Variants in IFT140 observed in about 807,000 individuals in gnomAD.
IFT140 encodes intraflagellar transport 140.
IFT140 carries 133 observed loss-of-function variants against 164.6 expected under a neutral mutation model. The ratio of observed to expected loss-of-function variants is 0.81; its 90% CI spans 0.70 to 0.93. IFT140 has a LOEUF of 0.93. Ranked by LOEUF, IFT140 falls within the 40% of genes least tolerant of loss-of-function variation. The pLI is 0.00. For synonymous variants in IFT140, 860 were observed against 817.3 expected, an observed-to-expected ratio of 1.05 and a Z score of -0.89; for missense variants, 2,045 against 1,972.3, an observed-to-expected ratio of 1.04 and a Z score of -0.70.
At chr16:1,576,421 C>T (rs1334899347) in intron 13 of IFT140, among the ~76,000 whole-genome samples, 2 of 150,528 alleles carry the variant, frequency 1.3e-5, no homozygotes, top group African/African-American at 4.9e-5. Context: ...GAAACCCTGT[C>T]TCTACTAAAA....
intron 15 of IFT140, among the ~76,000 whole-genome samples, chr16:1,567,156 C>T (rs938985957): frequency 5.9e-5 from 9 of 152,210 alleles, no homozygotes; most frequent in Non-Finnish European, 7.3e-5. Context: ...TCCGCCAGTC[C>T]ATCGTCAAGC....
chr16:1,590,472 C>T (rs1230316816), intron 6 of IFT140, among the ~76,000 whole-genome samples: 4 of 152,148 alleles, frequency 2.6e-5, no homozygotes, highest in Admixed American at 1.3e-4. Context: ...CCCTGGGTGT[C>T]GCTGCTGTGC....
intron 19 of IFT140, among the ~76,000 whole-genome samples, chr16:1,540,648 T>A (rs2031543932): frequency 6.6e-6 from 1 of 152,244 alleles, no homozygotes; most frequent in African/African-American, 2.4e-5. Flanking sequence ...GCCTGGATTC[T>A]GGTGTCTGTG....
At chr16:1,559,317 C>T (rs1162139860) in intron 18 of IFT140, among the ~76,000 whole-genome samples, 3 of 152,184 alleles carry the variant, frequency 2.0e-5, no homozygotes, top group Non-Finnish European at 4.4e-5. Flanking sequence ...GTACCCAGTT[C>T]GCTGTGTGAA....
At position 1,564,279 on chromosome 16, in the gene IFT140, G is replaced by C. The variant is rs886730852; in HGVS notation, c.1902-117C>G. ...CTGTCCCAGACCATGGTGTCCACGC[G>C]CTCAGCTCTGGGAGAACTTTTGGGG... is the stretch of plus-strand genomic sequence containing the variant. On this transcript the variant is annotated intron_variant, in intron 16 of 30. Coordinates refer to ENST00000426508, the MANE Select transcript of IFT140 (RefSeq NM_014714.4). This position sits in a 1 kb window ranked among gnomAD's most constrained non-coding sequence, Gnocchi z 5.5. 1.3e-6 allele frequency: 1 copy of C among 798,494 alleles called. No homozygotes were observed. The highest frequency in any genetic ancestry group is 1.8e-6 in the Non-Finnish European group (1 of 542,310). 49.5% of individuals were successfully genotyped at this position (798,494 alleles called of 1,614,324 possible). A position where few individuals can be genotyped will look rare whatever the true frequency, so the allele number is the denominator to read the frequency against.
chr16:1,524,970 G>A, intron 22 of IFT140, 54 bp from the exon 23 acceptor site: 1 of 1,568,510 alleles, frequency 6.4e-7, no homozygotes, highest in South Asian at 1.1e-5. Flanking sequence ...TCCAACCCGG[G>A]ACGGCCCCCA....
At chr16:1,591,294 C>T (rs1391119113) in intron 6 of IFT140, among the ~76,000 whole-genome samples, 1 of 152,228 alleles carries the variant, frequency 6.6e-6, no homozygotes, top group Non-Finnish European at 1.5e-5. Context: ...CCCCTCCTTG[C>T]CATCTCACAG....
rs575620978 is a variant in IFT140 at position 1,557,826 on chromosome 16, C to G, written c.2399+109G>C. 44 of 1,064,716 alleles carry G rather than the reference C, an allele frequency of 4.1e-5. No homozygotes were observed. In the East Asian group the frequency reaches 8.3e-4, roughly 20 times the overall value. 66.0% of individuals were successfully genotyped at this position (1,064,716 alleles called of 1,614,324 possible). ...ACCATGAAATACACCATGACGCAGTCATGAGGAGTCAAATATTTCAACAGG... is the reference window on the plus strand; with the variant it reads ...ACCATGAAATACACCATGACGCAGTGATGAGGAGTCAAATATTTCAACAGG... On this transcript the variant is annotated intron_variant, in intron 19 of 30. Coordinates refer to ENST00000426508, the MANE Select transcript of IFT140 (RefSeq NM_014714.4).
chr16:1,510,638 TTTCTCAGGC>T lies in IFT140; in HGVS notation c.*297_*305del, dbSNP rs1354308950. 8.7e-6 allele frequency: 4 copies of T among 458,192 alleles called. No individual in the cohort carries two copies. The highest frequency in any genetic ancestry group is 8.1e-5 in the Admixed American group (2 of 24,620). The allele number at this position is 458,192 out of a possible 1,614,324, so 28.4% of individuals were successfully genotyped here. ...CTGCAGCTTCCTGAGGTTCTAGAAG[TTTCTCAGGC>T]TTTACAATGTGTAGTTGGGAGAATA... On this transcript the variant is annotated 3_prime_UTR_variant, in exon 31 of 31. Transcript: ENST00000426508.
chr16:1,611,291 G>A (rs2036309808), intron 1 of IFT140, among the ~76,000 whole-genome samples: 1 of 152,198 alleles, frequency 6.6e-6, no homozygotes, highest in Non-Finnish European at 1.5e-5. Context: ...GATCGTTGGA[G>A]CCCAGGAGTT....
chr16:1,575,112 C>A (rs1288638835), intron 13 of IFT140, among the ~76,000 whole-genome samples: 2 of 152,144 alleles, frequency 1.3e-5, no homozygotes, highest in African/African-American at 4.8e-5. Flanking sequence ...CACCTCTAAT[C>A]CCAACACTTT....
In IFT140 at chr16:1,553,711, A is replaced by G; in HGVS notation, c.2399+4224T>C. 1 of 1,112,232 alleles carries G rather than the reference A, an allele frequency of 9.0e-7. No individual in the cohort carries two copies. The allele number at this position is 1,112,232 out of a possible 1,614,324, so 68.9% of individuals were successfully genotyped here. A position where few individuals can be genotyped will look rare whatever the true frequency, so the allele number is the denominator to read the frequency against. Reference sequence around the variant, plus strand: ...GCTGGCTGGAGGCCCCATGGCCTCCAGGACAATCTGTGGCCACATCCCCAT... The same window carrying G: ...GCTGGCTGGAGGCCCCATGGCCTCCGGGACAATCTGTGGCCACATCCCCAT... On this transcript the variant is annotated intron_variant, in intron 19 of 30. Coordinates refer to ENST00000426508, the MANE Select transcript of IFT140 (RefSeq NM_014714.4). The surrounding 1 kb of genome is among the most constrained non-coding windows in gnomAD (Gnocchi z 4.4).
intron 19 of IFT140, among the ~76,000 whole-genome samples, chr16:1,544,774 G>C (rs535825468): frequency 6.6e-6 from 1 of 151,298 alleles, no homozygotes; most frequent in Admixed American, 6.6e-5. Flanking sequence ...TCAGCCTCCC[G>C]AGTAGCTGGG....
intron 3 of IFT140, among the ~76,000 whole-genome samples, chr16:1,603,138 G>A (rs2035879132): frequency 6.6e-6 from 1 of 152,150 alleles, no homozygotes; most frequent in African/African-American, 2.4e-5. Context: ...ACCCCGACCA[G>A]CTTCTCATGG....
rs2030490335 is a variant in IFT140 at position 1,531,495 on chromosome 16, T to TGGGACTCCACCGTGACC, written c.2400-4716_2400-4700dup. The TGGGACTCCACCGTGACC allele has an allele frequency of 2.0e-5, 3 of 152,190 alleles. No individual in the cohort carries two copies. The highest frequency in any genetic ancestry group is 7.2e-5 in the African/African-American group (3 of 41,384). The allele number at this position is 152,190 out of a possible 1,614,324, so 9.4% of individuals were successfully genotyped here. On this transcript the variant is annotated intron_variant, in intron 19 of 30. Coordinates refer to ENST00000426508, the MANE Select transcript of IFT140 (RefSeq NM_014714.4). The surrounding 1 kb of genome is among the most constrained non-coding windows in gnomAD (Gnocchi z 4.7). ...CAGGCACATATGTGGGAGGGGGCAG[T>TGGGACTCCACCGTGACC]GGGACTCCACCGTGACCAAGACCCC...
At chr16:1,561,886 G>A in intron 18 of IFT140, 99 bp downstream of exon 18, 1 of 1,255,842 alleles carries the variant, frequency 8.0e-7, no homozygotes, top group Non-Finnish European at 1.1e-6. Flanking sequence ...AGAGCCACGA[G>A]GGCTAACTCA....
intron 19 of IFT140, among the ~76,000 whole-genome samples, chr16:1,528,334 T>C (rs113866034): frequency 0.029 from 2,975 of 104,150 alleles, 116 homozygotes; most frequent in African/African-American, 0.11. Flanking sequence ...CACGCACGTG[T>C]GCACACACAC....
In IFT140 at chr16:1,585,599, G is replaced by T. The variant is rs149949877; in HGVS notation, c.1155+531C>A. Among the ~76,000 whole-genome samples, 376 of 151,990 alleles carry T rather than the reference G, an allele frequency of 2.5e-3. 1 individual carries two copies. Among genetic ancestry groups the T allele is most frequent in the African/African-American group, 8.5e-3 (354 of 41,466 alleles). ...AGAGAGAGATGGAGAGGGAGGGATG[G>T]GTTCGTGGGTAGATACATATTATAA... On this transcript the variant is annotated intron_variant, in intron 10 of 30. Transcript: ENST00000426508.
rs140557479 is a variant in IFT140 at position 1,566,640 on chromosome 16, T to C, written c.1771-349A>G. Among the ~76,000 whole-genome samples the C allele has an allele frequency of 2.5e-3, 380 of 152,274 alleles. 1 individual carries two copies. Among genetic ancestry groups the C allele is most frequent in the African/African-American group, 8.6e-3 (357 of 41,566 alleles). ...ACCGTTCTCAGCTGAAACTCCTTTA[T>C]TACAGCTGAACTTTTCCACTGCTTC... On this transcript the variant is annotated intron_variant, in intron 15 of 30. Transcript: ENST00000426508.
Sources: allele counts gnomAD v4.1 joint callset (sites outside exome capture counted in the v4.1 genomes callset), GRCh38; gene constraint gnomAD v4.1.1; non-coding constraint Gnocchi (gnomAD v3.1); transcripts MANE v1.5; gene names NCBI Gene and HGNC (gene_info 2026-07-23, HGNC 2026-07-21).